The following BBS9 variants were observed in gnomAD, a reference collection of about 807,000 sequenced individuals.
The protein encoded by BBS9 is protein PTHB1.
Under a neutral mutation model 117.7 loss-of-function variants are expected in BBS9, and 89 were observed. The ratio of observed to expected loss-of-function variants is 0.76; its 90% CI spans 0.64 to 0.90. BBS9 has a LOEUF of 0.90. Among genes scored for constraint, BBS9 ranks in the 40% least tolerant of loss-of-function variants. The probability of loss-of-function intolerance (pLI) is 0.00; values close to 1 mark genes in which losing one functional copy is unlikely to be tolerated. For missense variants in BBS9, 982 were observed against 1,042.2 expected (o/e 0.94, Z 0.80); for synonymous variants, 379 against 370.9 (o/e 1.02, Z -0.25).
chr7:33,294,651 C>G (rs372427678), intron 9 of BBS9, among the ~76,000 whole-genome samples: 1 of 152,122 alleles, frequency 6.6e-6, no homozygotes, highest in East Asian at 1.9e-4. Context: ...AAATAAATCA[C>G]ATTTAGAAGC....
intron 19 of BBS9, among the ~76,000 whole-genome samples, chr7:33,396,999 A>G (rs1353051996): frequency 6.6e-6 from 1 of 152,090 alleles, no homozygotes; most frequent in Non-Finnish European, 1.5e-5. Flanking sequence ...ACCAAAACTA[A>G]CTCAAGATAG....
At chr7:33,375,323 G>A (rs1216916990) in intron 17 of BBS9, among the ~76,000 whole-genome samples, 2 of 151,854 alleles carry the variant, frequency 1.3e-5, no homozygotes, top group Non-Finnish European at 2.9e-5. Context: ...ATATTTCAAG[G>A]GCACGTTTTA....
rs558718879 is a variant in BBS9 at position 33,581,418 on chromosome 7, G to A, written c.2522-23447G>A. 2.6e-4 allele frequency among the ~76,000 whole-genome samples: 40 copies of A among 152,126 alleles called. 1 individual carries two copies. The South Asian group carries it at 7.9e-3, about 30-fold the overall frequency. Reference sequence around the variant, plus strand: ...TTTACCTCAGCCTTAACTTGTTCCTGTAAAAACAGAGCTTTGTTTTATAGC... The same window carrying A: ...TTTACCTCAGCCTTAACTTGTTCCTATAAAAACAGAGCTTTGTTTTATAGC... On this transcript the variant is annotated intron_variant, in intron 21 of 22. Coordinates refer to ENST00000242067, the MANE Select transcript of BBS9 (RefSeq NM_198428.3).
intron 9 of BBS9, among the ~76,000 whole-genome samples, chr7:33,300,616 T>G (rs1806199868): frequency 6.6e-6 from 1 of 151,972 alleles, no homozygotes; most frequent in Admixed American, 6.5e-5. Flanking sequence ...TTCCTTGTTT[T>G]TTTTTTTTTT....
At chr7:33,612,879 G>A (rs570896256) in intron 21 of BBS9, among the ~76,000 whole-genome samples, 1 of 151,990 alleles carries the variant, frequency 6.6e-6, no homozygotes, top group Non-Finnish European at 1.5e-5. Context: ...TCAATTTTAG[G>A]CCTGGTCCTC....
intron 19 of BBS9, among the ~76,000 whole-genome samples, chr7:33,394,492 A>G (rs1827615702): frequency 6.6e-6 from 1 of 151,720 alleles, no homozygotes; most frequent in African/African-American, 2.4e-5. Flanking sequence ...TGTACAATAA[A>G]CCCCCATGAC....
intron 19 of BBS9, among the ~76,000 whole-genome samples, chr7:33,480,601 T>A (rs1346337825): frequency 2.6e-5 from 4 of 152,202 alleles, no homozygotes; most frequent in African/African-American, 9.6e-5. Flanking sequence ...TTAATCTTAT[T>A]TTTGTGTTAT....
chr7:33,447,914 T>A (rs1024499630), intron 19 of BBS9, among the ~76,000 whole-genome samples: 2 of 152,190 alleles, frequency 1.3e-5, no homozygotes, highest in Non-Finnish European at 2.9e-5. Context: ...CTAGCAGGAC[T>A]CCACTTTTGT....
chr7:33,332,092 T>C (rs937809783), intron 9 of BBS9, among the ~76,000 whole-genome samples: 6 of 151,568 alleles, frequency 4.0e-5, no homozygotes, highest in African/African-American at 1.4e-4. Context: ...ATGGTAGTGG[T>C]ATAAAAACGG....
Position 33,275,742 on chromosome 7 carries a change from A to G in BBS9, c.1016+1786A>G, listed in dbSNP as rs375368454. Among the ~76,000 whole-genome samples the G allele has an allele frequency of 5.3e-5, 8 of 152,358 alleles. No individual in the cohort carries two copies. The East Asian group carries it at 1.5e-3, about 29-fold the overall frequency. ...ATATATATTTTTACACATACATTAT[A>G]TACAAGGGATGTACCCATTTCAGGA... is the stretch of plus-strand genomic sequence containing the variant. On this transcript the variant is annotated intron_variant, in intron 9 of 22. Transcript: ENST00000242067.
intron 4 of BBS9, among the ~76,000 whole-genome samples, chr7:33,174,709 G>A (rs1282025995): frequency 1.3e-5 from 2 of 152,206 alleles, no homozygotes; most frequent in Non-Finnish European, 2.9e-5. Context: ...AATATGTAAG[G>A]AGGCAGCTTT....
intron 5 of BBS9, among the ~76,000 whole-genome samples, chr7:33,235,850 T>C (rs952103580): frequency 2.6e-5 from 4 of 152,222 alleles, no homozygotes; most frequent in Non-Finnish European, 5.9e-5. Context: ...CCAAATTTTA[T>C]ATATTTTTAA....
intron 19 of BBS9, among the ~76,000 whole-genome samples, chr7:33,455,004 A>G (rs1233367332): frequency 6.6e-6 from 1 of 152,180 alleles, no homozygotes; most frequent in Non-Finnish European, 1.5e-5. Flanking sequence ...CAATTCCCCT[A>G]CAATTCATTT....
chr7:33,563,110 A>C (rs540760243), intron 21 of BBS9, among the ~76,000 whole-genome samples: 1 of 152,280 alleles, frequency 6.6e-6, no homozygotes, highest in East Asian at 1.9e-4. Context: ...TGGGTCTAGG[A>C]GTGTAAATCA....
At chr7:33,263,191 C>G (rs539572261) in intron 6 of BBS9, among the ~76,000 whole-genome samples, 1 of 152,292 alleles carries the variant, frequency 6.6e-6, no homozygotes, top group South Asian at 2.1e-4. Context: ...ATTCTGCATT[C>G]AACTGAAGTT....
intron 1 of BBS9, among the ~76,000 whole-genome samples, chr7:33,139,869 A>C (rs1465967126): frequency 6.6e-6 from 1 of 152,132 alleles, no homozygotes. Context: ...TATGCCTCCA[A>C]GTCTTCATCC....
At chr7:33,423,393 G>T (rs1156909730) in intron 19 of BBS9, among the ~76,000 whole-genome samples, 4 of 150,756 alleles carry the variant, frequency 2.7e-5, no homozygotes, top group Admixed American at 6.6e-5. Flanking sequence ...GTATACCTTG[G>T]GGGTGTGTGT....
chr7:33,356,074 G>A (rs1295065342), intron 15 of BBS9, among the ~76,000 whole-genome samples: 1 of 151,806 alleles, frequency 6.6e-6, no homozygotes, highest in Non-Finnish European at 1.5e-5. Context: ...AGAAAAGGAA[G>A]CATTTGTTTT....
intron 1 of BBS9, among the ~76,000 whole-genome samples, chr7:33,130,821 G>C (rs1789486589): frequency 6.6e-6 from 1 of 151,978 alleles, no homozygotes; most frequent in Admixed American, 6.6e-5. Flanking sequence ...TTATTTGTCA[G>C]AGTTTAAGGG....
Sources: gnomAD v4.1 joint callset for allele counts (sites outside exome capture counted in the v4.1 genomes callset) on GRCh38, gnomAD v4.1.1 for gene constraint, MANE v1.5 for transcripts, NCBI Gene and HGNC (gene_info 2026-07-23, HGNC 2026-07-21) for gene names.